The following PRPF6 variants were observed in gnomAD, a reference collection of about 807,000 sequenced individuals.
PRPF6 encodes pre-mRNA processing factor 6, also known as pre-mRNA-processing factor 6.
PRPF6 carries 42 observed loss-of-function variants against 118.3 expected under a neutral mutation model. That is an observed-to-expected ratio of 0.35 (90% CI 0.28 to 0.46). PRPF6 has a LOEUF of 0.46. Ranked by LOEUF, PRPF6 falls within the 20% of genes least tolerant of loss-of-function variation. The pLI is 1.00. For missense variants in PRPF6, 662 were observed against 1,255.7 expected (o/e 0.53, Z 7.15); for synonymous variants, 481 against 485.1 (o/e 0.99, Z 0.11).
chr20:64,016,930 T>A (rs2059241066), intron 12 of PRPF6, 85 bp downstream of exon 12: 11 of 1,575,746 alleles, frequency 7.0e-6, no homozygotes, highest in Non-Finnish European at 9.5e-6. Flanking sequence ...ACTAGGCTAT[T>A]TTAAAACTCT....
chr20:64,023,397 G>A (rs958688950), intron 13 of PRPF6, among the ~76,000 whole-genome samples: 4 of 152,204 alleles, frequency 2.6e-5, no homozygotes, highest in African/African-American at 4.8e-5. Context: ...TAAATTTGGC[G>A]TTGCAGTTTA....
chr20:64,011,565 C>T lies in PRPF6; in HGVS notation c.1524+62C>T. 6.6e-7 allele frequency: 1 copy of T among 1,525,548 alleles called. No individual in the cohort carries two copies. The highest frequency in any genetic ancestry group is 8.9e-7 in the Non-Finnish European group (1 of 1,125,160). The allele number at this position is 1,525,548 out of a possible 1,614,324, so 94.5% of individuals were successfully genotyped here. A position where few individuals can be genotyped will look rare whatever the true frequency, so the allele number is the denominator to read the frequency against. On this transcript the variant is annotated intron_variant, in intron 11 of 20. Coordinates refer to ENST00000266079, the MANE Select transcript of PRPF6 (RefSeq NM_012469.4). The surrounding 1 kb of genome is among the most constrained non-coding windows in gnomAD (Gnocchi z 6.7). ...CAGTGCACATGCAGCACGTGAGAGT[C>T]CCACGCAGGACTGGGGGTTGCTGGA...
In PRPF6 at chr20:64,028,373, G is replaced by T. The variant is rs1010324425; in HGVS notation, c.2340-105G>T. ...CTGTGGAGGGAATGGAGTTTTTGCT[G>T]CTGTGACTGGGTGGAGAGCCCTTTC... is the stretch of plus-strand genomic sequence containing the variant. On this transcript the variant is annotated intron_variant, in intron 17 of 20. Coordinates refer to ENST00000266079, the MANE Select transcript of PRPF6 (RefSeq NM_012469.4). The surrounding 1 kb of genome is among the most constrained non-coding windows in gnomAD (Gnocchi z 6.5). 1.7e-6 allele frequency: 2 copies of T among 1,172,604 alleles called. No homozygotes were observed. Among genetic ancestry groups the T allele is most frequent in the East Asian group, 2.4e-5 (1 of 42,538 alleles). The allele number at this position is 1,172,604 out of a possible 1,614,324, so 72.6% of individuals were successfully genotyped here. A position where few individuals can be genotyped will look rare whatever the true frequency, so the allele number is the denominator to read the frequency against.
At chr20:64,025,913 T>G (rs999256524) in intron 14 of PRPF6, 26 bp from the exon 15 acceptor site, 11 of 1,613,484 alleles carry the variant, frequency 6.8e-6, no homozygotes, top group Non-Finnish European at 9.3e-6. Context: ...CTGACCCCTC[T>G]TGACGCTGCT....
intron 3 of PRPF6, among the ~76,000 whole-genome samples, chr20:63,986,200 G>C (rs2059092386): frequency 6.6e-6 from 1 of 151,768 alleles, no homozygotes; most frequent in South Asian, 2.1e-4. Context: ...AATTAGCCGG[G>C]CATGGTGGGT....
intron 8 of PRPF6, among the ~76,000 whole-genome samples, chr20:64,000,663 G>C (rs1398758601): frequency 6.6e-6 from 1 of 151,600 alleles, no homozygotes; most frequent in Non-Finnish European, 1.5e-5. Context: ...CTGCCTCCCG[G>C]GTTCAAGCAA....
Position 64,029,469 on chromosome 20 carries a change from C to T in PRPF6, c.2524C>T (p.His842Tyr). 6.2e-7 allele frequency: 1 copy of T among 1,614,188 alleles called. No individual in the cohort carries two copies. Among genetic ancestry groups the T allele is most frequent in the South Asian group, 1.1e-5 (1 of 91,092 alleles). Residue 842 changes from histidine to tyrosine, a missense_variant, in exon 19 of 21, where the codon CAT (histidine) becomes TAT (tyrosine). Physicochemically the swap from His to Tyr is moderately conservative, Grantham distance 83. This residue lies in a region of PRPF6 where 244 missense variants were observed against 383.7 expected (regional missense o/e 0.64). Coordinates refer to ENST00000266079, the MANE Select transcript of PRPF6 (RefSeq NM_012469.4). This position sits in a 1 kb window ranked among gnomAD's most constrained non-coding sequence, Gnocchi z 4.8. Reference sequence around the variant, plus strand: ...CCTGAAGAAGTGTGAGCATGACCCCCATGTGCTCCTGGCCGTGGCCAAGTG... The same window carrying T: ...CCTGAAGAAGTGTGAGCATGACCCCTATGTGCTCCTGGCCGTGGCCAAGTG... ...DALKKCEHDP[H>Y]VLLAVAKLFW...
At position 63,999,654 on chromosome 20, in the gene PRPF6, TC is replaced by T. The variant is rs1365620559; in HGVS notation, c.919del (p.His307IlefsTer21). 6.2e-7 allele frequency: 1 copy of T among 1,614,022 alleles called. No individual in the cohort carries two copies. Among genetic ancestry groups the T allele is most frequent in the Non-Finnish European group, 8.5e-7 (1 of 1,180,032 alleles). The part of the protein sequence containing the change: ...LLKSVRETNP[H>X]HPPAWIASAR... ...TCAAGTCTGTTCGGGAGACGAACCC[TC>T]ATCACCCGCCAGCCTGGATTGCATC... On this transcript the variant is annotated frameshift_variant, in exon 8 of 21. Transcript: ENST00000266079. LOFTEE classifies it high-confidence loss of function.
chr20:63,991,464 A>C (rs944546509), intron 3 of PRPF6, among the ~76,000 whole-genome samples: 8 of 152,246 alleles, frequency 5.3e-5, no homozygotes, highest in Middle Eastern at 3.4e-3. Flanking sequence ...ACACGGACCC[A>C]TGAAGAAAGC....
Position 64,027,821 on chromosome 20 carries a change from C to A in PRPF6, c.2339+85C>A. The stretch of plus-strand genomic sequence containing the variant: ...CGTCACCCAGCTGCTTGTGTGGAGT[C>A]ACTCGTGCAGTGCTTCCAGGCTCAG... On this transcript the variant is annotated intron_variant, in intron 17 of 20. Coordinates refer to ENST00000266079, the MANE Select transcript of PRPF6 (RefSeq NM_012469.4). The surrounding 1 kb of genome is among the most constrained non-coding windows in gnomAD (Gnocchi z 6.5). 1 of 1,582,812 alleles carries A rather than the reference C, an allele frequency of 6.3e-7. No individual in the cohort carries two copies. The highest frequency in any genetic ancestry group is 1.1e-5 in the South Asian group (1 of 89,992).
intron 3 of PRPF6, among the ~76,000 whole-genome samples, chr20:63,986,815 C>T (rs1287496836): frequency 1.3e-5 from 2 of 151,062 alleles, no homozygotes; most frequent in African/African-American, 2.4e-5. Context: ...TCTGAAAATG[C>T]ATTTGATAAG....
chr20:64,032,186 C>A, intron 20 of PRPF6, 142 bp downstream of exon 20: 2 of 1,347,166 alleles, frequency 1.5e-6, no homozygotes, highest in Non-Finnish European at 2.1e-6. Context: ...GTGTGGGGCA[C>A]AGAATCCTCG....
At chr20:63,993,270 A>ATATG (rs2059127015) in intron 3 of PRPF6, 137 bp from the exon 4 acceptor site, 2 of 222,548 alleles carry the variant, frequency 9.0e-6, no homozygotes, top group Non-Finnish European at 8.9e-6. Context: ...GTGTATATGT[A>ATATG]TATATATATA....
At position 64,027,744 on chromosome 20, in the gene PRPF6, C is replaced by T. The variant is rs1337724099; in HGVS notation, c.2339+8C>T. On this transcript the variant is annotated splice_region_variant and intron_variant, in intron 17 of 20. Transcript: ENST00000266079. The surrounding 1 kb of genome is among the most constrained non-coding windows in gnomAD (Gnocchi z 6.5). ...AAAGAACCCTGGGCTGTGGTGAGTC[C>T]TGGAGGGGGCAGCCTGGCCTCTGGG... 1 of 1,613,608 alleles carries T rather than the reference C, an allele frequency of 6.2e-7. No individual in the cohort carries two copies. The highest frequency in any genetic ancestry group is 8.5e-7 in the Non-Finnish European group (1 of 1,180,016).
chr20:63,998,384 C>T (rs187453375), intron 6 of PRPF6, among the ~76,000 whole-genome samples: 243 of 151,728 alleles, frequency 1.6e-3, no homozygotes, highest in African/African-American at 5.4e-3. Context: ...TGAGCCACCA[C>T]GCCTGGTCAA....
In PRPF6 at chr20:64,026,242, C is replaced by T. The variant is rs528062533; in HGVS notation, c.2028+184C>T. Among the ~76,000 whole-genome samples the T allele has an allele frequency of 2.0e-5, 3 of 152,282 alleles. No individual in the cohort carries two copies. The East Asian group carries it at 5.8e-4, about 29-fold the overall frequency. ...GGCGTGGTGGCCGGGCGCGGTGGCTCACGCCTGTAATCTCAGCACTTTGGG... is the reference window on the plus strand; with the variant it reads ...GGCGTGGTGGCCGGGCGCGGTGGCTTACGCCTGTAATCTCAGCACTTTGGG... On this transcript the variant is annotated intron_variant, in intron 15 of 20. Coordinates refer to ENST00000266079, the MANE Select transcript of PRPF6 (RefSeq NM_012469.4). The surrounding 1 kb of genome is among the most constrained non-coding windows in gnomAD (Gnocchi z 4.4).
Position 64,027,430 on chromosome 20 carries a change from C to T in PRPF6, c.2206-173C>T, listed in dbSNP as rs575010939. Among the ~76,000 whole-genome samples the T allele has an allele frequency of 3.9e-5, 6 of 152,318 alleles. No individual in the cohort carries two copies. The highest frequency in any genetic ancestry group is 1.2e-4 in the African/African-American group (5 of 41,564). ...GTACAGACCTGTGTGCACAGGTCCA[C>T]AGCACCACCGCACACCTGTACACCC... On this transcript the variant is annotated intron_variant, in intron 16 of 20. Transcript: ENST00000266079. This position sits in a 1 kb window ranked among gnomAD's most constrained non-coding sequence, Gnocchi z 6.5.
At chr20:64,000,891 A>T (rs1305235179) in intron 8 of PRPF6, among the ~76,000 whole-genome samples, 186 bp from the exon 9 acceptor site, 1 of 152,142 alleles carries the variant, frequency 6.6e-6, no homozygotes, top group Non-Finnish European at 1.5e-5. Flanking sequence ...AGTCAGACAT[A>T]TGGTAGCCAT....
chr20:64,028,491 C>T lies in PRPF6; in HGVS notation c.2353C>T (p.Arg785Trp), dbSNP rs1292818093. ...CTGTCTCCTCAGGTTGGAGTCCGTG[C>T]GGCTGGAGTACCGTGCGGGGCTGAA... ...KNPGLWLESV[R>W]LEYRAGLKNI... Residue 785 changes from arginine (R) to tryptophan (W), a missense_variant, in exon 18 of 21, where the codon CGG becomes TGG. This residue lies in a region of PRPF6 where 244 missense variants were observed against 383.7 expected (regional missense o/e 0.64). Coordinates refer to ENST00000266079, the MANE Select transcript of PRPF6 (RefSeq NM_012469.4). This position sits in a 1 kb window ranked among gnomAD's most constrained non-coding sequence, Gnocchi z 6.5. The T allele has an allele frequency of 1.9e-6, 3 of 1,613,820 alleles. No individual in the cohort carries two copies. Among genetic ancestry groups the T allele is most frequent in the Non-Finnish European group, 2.5e-6 (3 of 1,179,972 alleles).
Sources: allele counts gnomAD v4.1 joint callset (sites outside exome capture counted in the v4.1 genomes callset), GRCh38; gene constraint gnomAD v4.1.1; regional missense constraint gnomAD v4.1.1; non-coding constraint Gnocchi (gnomAD v3.1); transcripts MANE v1.5; gene names NCBI Gene and HGNC (gene_info 2026-07-23, HGNC 2026-07-21).